Variants in VEGFC observed in about 807,000 individuals in gnomAD.
VEGFC encodes the protein vascular endothelial growth factor C.
Under a neutral mutation model 46.1 loss-of-function variants are expected in VEGFC, and 12 were observed. The observed-to-expected ratio is 0.26, with a 90% CI of 0.17 to 0.42. The LOEUF is 0.42. Among genes scored for constraint, VEGFC ranks in the 10% least tolerant of loss-of-function variants. The pLI is 1.00. For missense variants in VEGFC, 488 were observed against 529.4 expected, an observed-to-expected ratio of 0.92 and a Z score of 0.77; for synonymous variants, 232 against 195.5, an observed-to-expected ratio of 1.19 and a Z score of -1.56.
intron 4 of VEGFC, chr4:176,706,004 C>T (rs1242314769): frequency 6.6e-6 from 1 of 152,214 alleles, no homozygotes; most frequent in Non-Finnish European, 1.5e-5. Context: ...ACAGCATCCA[C>T]ACTCTTCAGC....
intron 3 of VEGFC, among the ~76,000 whole-genome samples, chr4:176,719,435 G>T (rs1456192880): frequency 6.6e-6 from 1 of 152,070 alleles, no homozygotes; most frequent in Non-Finnish European, 1.5e-5. Flanking sequence ...AGGAAAAGCT[G>T]CTACTTAAGT....
At chr4:176,788,130 A>G (rs1736033927) in intron 1 of VEGFC, among the ~76,000 whole-genome samples, 1 of 152,222 alleles carries the variant, frequency 6.6e-6, no homozygotes. Context: ...TAAAATCACA[A>G]TCTTTCACTG....
intron 1 of VEGFC, among the ~76,000 whole-genome samples, chr4:176,751,196 TAGAG>T (rs1331868330): frequency 3.3e-5 from 5 of 151,516 alleles, no homozygotes; most frequent in African/African-American, 9.7e-5. Flanking sequence ...AACACAGAAA[TAGAG>T]AGAGCCAAAA....
intron 1 of VEGFC, among the ~76,000 whole-genome samples, chr4:176,752,525 C>A (rs1018267054): frequency 2.6e-5 from 4 of 152,074 alleles, no homozygotes; most frequent in Non-Finnish European, 5.9e-5. Flanking sequence ...CAAAGAGAAT[C>A]ACTTCCTTCT....
At chr4:176,718,362 G>C (rs969948019) in intron 3 of VEGFC, among the ~76,000 whole-genome samples, 1 of 152,078 alleles carries the variant, frequency 6.6e-6, no homozygotes, top group Admixed American at 6.6e-5. Flanking sequence ...AAATATCTCT[G>C]ACTGCAGTGC....
intron 3 of VEGFC, among the ~76,000 whole-genome samples, chr4:176,717,730 C>T (rs996988086): frequency 2.0e-5 from 3 of 152,018 alleles, no homozygotes; most frequent in South Asian, 4.1e-4. Flanking sequence ...ATATTCCAAA[C>T]TTTAGTCCAT....
intron 3 of VEGFC, among the ~76,000 whole-genome samples, chr4:176,725,330 T>C (rs1734855869): frequency 1.3e-5 from 2 of 152,086 alleles, no homozygotes; most frequent in South Asian, 4.1e-4. Context: ...TGAAACAGGG[T>C]CATGCTCTGT....
intron 1 of VEGFC, among the ~76,000 whole-genome samples, chr4:176,755,672 G>C (rs1167456495): frequency 6.6e-6 from 1 of 151,892 alleles, no homozygotes; most frequent in Non-Finnish European, 1.5e-5. Flanking sequence ...ATCATCCATT[G>C]ACATGCTAGG....
chr4:176,714,526 C>T (rs1734666538), intron 3 of VEGFC, among the ~76,000 whole-genome samples: 1 of 152,186 alleles, frequency 6.6e-6, no homozygotes, highest in Non-Finnish European at 1.5e-5. Flanking sequence ...GTAAGCACAG[C>T]AGGATTTGGC....
chr4:176,754,946 A>T (rs1210843008), intron 1 of VEGFC, among the ~76,000 whole-genome samples: 1 of 152,100 alleles, frequency 6.6e-6, no homozygotes, highest in Non-Finnish European at 1.5e-5. Flanking sequence ...CAATTCCTGA[A>T]AATACAGATT....
At chr4:176,691,126 G>A (rs1340085425) in intron 4 of VEGFC, among the ~76,000 whole-genome samples, 1 of 152,136 alleles carries the variant, frequency 6.6e-6, no homozygotes, top group Non-Finnish European at 1.5e-5. Context: ...CAAAAATGGT[G>A]GGCAGGGGGT....
intron 1 of VEGFC, among the ~76,000 whole-genome samples, chr4:176,730,032 C>G (rs1184515747): frequency 1.3e-5 from 2 of 152,026 alleles, no homozygotes; most frequent in African/African-American, 4.8e-5. Flanking sequence ...ATAGCTCTTT[C>G]AAATAATTGG....
intron 1 of VEGFC, among the ~76,000 whole-genome samples, chr4:176,783,049 CG>C: frequency 6.6e-6 from 1 of 152,328 alleles, no homozygotes; most frequent in South Asian, 2.1e-4. Flanking sequence ...AGGGTAACCA[CG>C]CAAGTCACAG....
chr4:176,754,536 G>C (rs1454085770), intron 1 of VEGFC, among the ~76,000 whole-genome samples: 1 of 151,956 alleles, frequency 6.6e-6, no homozygotes, highest in Non-Finnish European at 1.5e-5. Context: ...TCAATGACCA[G>C]ATGAGTCTTT....
intron 1 of VEGFC, among the ~76,000 whole-genome samples, chr4:176,753,998 G>A (rs763609675): frequency 6.6e-5 from 10 of 152,084 alleles, no homozygotes; most frequent in South Asian, 2.1e-4. Context: ...ATGAACTCAT[G>A]AGGGAAGTCA....
chr4:176,726,571 G>C (rs1734877255), intron 3 of VEGFC, among the ~76,000 whole-genome samples: 1 of 152,056 alleles, frequency 6.6e-6, no homozygotes, highest in Non-Finnish European at 1.5e-5. Context: ...TTTTTGAAAA[G>C]AAAGCAATTA....
chr4:176,731,476 T>C (rs1734963656), intron 1 of VEGFC, among the ~76,000 whole-genome samples: 3 of 151,842 alleles, frequency 2.0e-5, no homozygotes, highest in Admixed American at 2.0e-4. Context: ...CACACCTCAA[T>C]AATGTTGGAA....
intron 1 of VEGFC, among the ~76,000 whole-genome samples, chr4:176,755,089 T>C (rs536803528): frequency 4.7e-4 from 71 of 152,202 alleles, no homozygotes; most frequent in African/African-American, 1.6e-3. Context: ...GTTACTTTCA[T>C]CTGTTGGTTC....
At chr4:176,759,461 C>T (rs6818166) in intron 1 of VEGFC, among the ~76,000 whole-genome samples, 107,424 of 151,980 alleles carry the variant, frequency 0.71, 43,783 homozygotes, top group East Asian at 0.93. Flanking sequence ...ACCAGGGGCT[C>T]GGGGACTGGT....
Sources: gnomAD v4.1 joint callset for allele counts (sites outside exome capture counted in the v4.1 genomes callset) on GRCh38, gnomAD v4.1.1 for gene constraint, MANE v1.5 for transcripts, NCBI Gene and HGNC (gene_info 2026-07-23, HGNC 2026-07-21) for gene names.